Variants in SGCZ observed in about 807,000 individuals in gnomAD.
SGCZ encodes the protein zeta-sarcoglycan.
In SGCZ, 40 loss-of-function variants were observed where a neutral mutation model predicts 41.3. The observed-to-expected ratio is 0.97, with a 90% CI of 0.75 to 1.26. The LOEUF is 1.26. SGCZ is among the 50% of genes most tolerant of loss of function. The pLI, the probability that SGCZ is intolerant of heterozygous loss-of-function variation, is 0.00. For missense variants in SGCZ, 552 were observed against 369.8 expected, an observed-to-expected ratio of 1.49 and a Z score of -4.04; for synonymous variants, 206 against 137.5, an observed-to-expected ratio of 1.50 and a Z score of -3.49.
At chr8:14,201,453 G>C (rs1805452572) in intron 4 of SGCZ, among the ~76,000 whole-genome samples, 1 of 152,038 alleles carries the variant, frequency 6.6e-6, no homozygotes, top group Non-Finnish European at 1.5e-5. Context: ...TAATAAAAAG[G>C]AACAAAATTG....
intron 1 of SGCZ, among the ~76,000 whole-genome samples, chr8:14,651,291 ATG>A (rs1807390905): frequency 4.6e-5 from 7 of 151,334 alleles, no homozygotes; most frequent in African/African-American, 9.7e-5. Context: ...AGGGCATTTT[ATG>A]AAAATATTTT....
At chr8:14,353,445 C>A (rs17119156) in intron 2 of SGCZ, among the ~76,000 whole-genome samples, 1 of 152,042 alleles carries the variant, frequency 6.6e-6, no homozygotes, top group Non-Finnish European at 1.5e-5. Context: ...ACCCAGACCA[C>A]TATTTTCAAC....
rs369468258 is a variant in SGCZ at position 15,152,708 on chromosome 8, T to C, written c.39+84877A>G. Among the ~76,000 whole-genome samples the C allele has an allele frequency of 4.1e-4, 63 of 152,344 alleles. 2 individuals are homozygous for C. The South Asian group carries it at 0.011, about 27-fold the overall frequency. ...TTAACTTACCTGGTCGAGAATTTCA[T>C]TGAAGTTGCTCCAGAGTACGTATCT... is the stretch of plus-strand genomic sequence containing the variant. On this transcript the variant is annotated intron_variant, in intron 1 of 7. Transcript: ENST00000382080.
chr8:14,806,714 C>G (rs1801542571), intron 1 of SGCZ, among the ~76,000 whole-genome samples: 1 of 152,168 alleles, frequency 6.6e-6, no homozygotes, highest in Non-Finnish European at 1.5e-5. Context: ...AGAGGGACTC[C>G]TCCCTAACTC....
At chr8:14,598,219 T>A (rs1805476059) in intron 1 of SGCZ, among the ~76,000 whole-genome samples, 1 of 152,004 alleles carries the variant, frequency 6.6e-6, no homozygotes, top group Non-Finnish European at 1.5e-5. Flanking sequence ...AGTGGGGCAT[T>A]TTTTTTCATT....
intron 1 of SGCZ, among the ~76,000 whole-genome samples, chr8:14,993,377 G>C (rs1015569726): frequency 4.6e-5 from 7 of 152,114 alleles, no homozygotes; most frequent in Non-Finnish European, 7.3e-5. Flanking sequence ...AATGGGGCTT[G>C]AGCAGCAAAA....
chr8:15,145,165 T>A (rs754653066), intron 1 of SGCZ, among the ~76,000 whole-genome samples: 2 of 152,316 alleles, frequency 1.3e-5, no homozygotes, highest in South Asian at 4.1e-4. Context: ...CTGTGAAGGT[T>A]ATAACTAATT....
intron 1 of SGCZ, among the ~76,000 whole-genome samples, chr8:14,816,113 A>G (rs1801895584): frequency 6.6e-6 from 1 of 152,250 alleles, no homozygotes; most frequent in South Asian, 2.1e-4. Flanking sequence ...GTATTTTTAA[A>G]AATATTGACA....
At chr8:14,799,722 C>T (rs1457208830) in intron 1 of SGCZ, among the ~76,000 whole-genome samples, 1 of 151,938 alleles carries the variant, frequency 6.6e-6, no homozygotes, top group Non-Finnish European at 1.5e-5. Context: ...AGCGTAGAAC[C>T]CTCCAGCTGA....
chr8:14,821,831 C>A (rs898693864), intron 1 of SGCZ, among the ~76,000 whole-genome samples: 2 of 151,916 alleles, frequency 1.3e-5, no homozygotes, highest in South Asian at 2.1e-4. Flanking sequence ...AAAGGCCATA[C>A]GGGACAAATC....
chr8:14,249,925 G>T (rs1286906011), intron 3 of SGCZ, among the ~76,000 whole-genome samples: 1 of 152,156 alleles, frequency 6.6e-6, no homozygotes, highest in East Asian at 1.9e-4. Flanking sequence ...TATCATGTGT[G>T]GTGGGCAAAC....
intron 1 of SGCZ, among the ~76,000 whole-genome samples, chr8:15,126,109 G>A (rs554631677): frequency 3.5e-4 from 53 of 152,302 alleles, no homozygotes; most frequent in African/African-American, 1.1e-3. Context: ...TCGTGTCATC[G>A]CATTCCAGCC....
chr8:15,208,436 C>A (rs989177107), intron 1 of SGCZ, among the ~76,000 whole-genome samples: 4 of 152,144 alleles, frequency 2.6e-5, no homozygotes, highest in African/African-American at 9.7e-5. Context: ...AGAGTGTTTT[C>A]CAGAAATGAG....
At chr8:14,599,534 T>A (rs1805520242) in intron 1 of SGCZ, among the ~76,000 whole-genome samples, 1 of 152,222 alleles carries the variant, frequency 6.6e-6, no homozygotes, top group Non-Finnish European at 1.5e-5. Context: ...TCTACTCAGC[T>A]ACTCATGCTG....
intron 4 of SGCZ, among the ~76,000 whole-genome samples, chr8:14,177,959 T>TTTTC (rs1491549127): frequency 1.9e-5 from 1 of 53,022 alleles, no homozygotes; most frequent in South Asian, 5.3e-4. Context: ...TTTTTTTTTC[T>TTTTC]TTTTTTTTTT....
chr8:14,630,039 G>A (rs1912471), intron 1 of SGCZ, among the ~76,000 whole-genome samples: 52,856 of 151,644 alleles, frequency 0.35, 9,435 homozygotes, highest in East Asian at 0.63. Context: ...GATATATTAG[G>A]GAAAAAAATG....
chr8:15,237,053 G>A (rs1470882077), intron 1 of SGCZ, among the ~76,000 whole-genome samples: 5 of 152,214 alleles, frequency 3.3e-5, no homozygotes, highest in Non-Finnish European at 7.3e-5. Context: ...GGGAAAAGGG[G>A]TCTCACGAAG....
chr8:15,176,041 TTAA>T (rs1390501383), intron 1 of SGCZ, among the ~76,000 whole-genome samples: 1 of 152,208 alleles, frequency 6.6e-6, no homozygotes, highest in Non-Finnish European at 1.5e-5. Flanking sequence ...TGAAAGCAAT[TTAA>T]GTGAAAAAAT....
At chr8:14,927,077 T>G (rs1040078361) in intron 1 of SGCZ, among the ~76,000 whole-genome samples, 1 of 150,866 alleles carries the variant, frequency 6.6e-6, no homozygotes, top group African/African-American at 2.4e-5. Context: ...AAATATACTA[T>G]ATCAAAGTAT....
Sources: gnomAD v4.1 joint callset for allele counts (sites outside exome capture counted in the v4.1 genomes callset) on GRCh38, gnomAD v4.1.1 for gene constraint, MANE v1.5 for transcripts, NCBI Gene and HGNC (gene_info 2026-07-23, HGNC 2026-07-21) for gene names.